PTCHD4: variants seen among roughly 807,000 people sequenced by gnomAD.
PTCHD4 encodes the protein patched domain-containing protein 4.
PTCHD4 carries 33 observed loss-of-function variants against 58.1 expected under a neutral mutation model. That is an observed-to-expected ratio of 0.57 (90% confidence interval 0.43 to 0.76). The LOEUF (loss-of-function observed/expected upper bound fraction) is 0.76. Among genes scored for constraint, PTCHD4 ranks in the 30% least tolerant of loss-of-function variants. The probability of loss-of-function intolerance (pLI) is 0.00; values close to 1 mark genes in which losing one functional copy is unlikely to be tolerated. For synonymous variants in PTCHD4, 478 were observed against 409.6 expected, an observed-to-expected ratio of 1.17 and a Z score of -2.02; for missense variants, 1,058 against 1,027.1, an observed-to-expected ratio of 1.03 and a Z score of -0.41.
chr6:48,099,219 C>G (rs1404227146), intron 1 of PTCHD4, among the ~76,000 whole-genome samples: 1 of 152,176 alleles, frequency 6.6e-6, no homozygotes, highest in African/African-American at 2.4e-5. Flanking sequence ...TGGTCGCCAG[C>G]CTGCACAATT....
intron 3 of PTCHD4, among the ~76,000 whole-genome samples, chr6:48,024,940 T>C (rs1763191323): frequency 6.6e-6 from 1 of 152,224 alleles, no homozygotes; most frequent in African/African-American, 2.4e-5. Flanking sequence ...AAAAGCCAGA[T>C]GACATGATTC....
intron 4 of PTCHD4, among the ~76,000 whole-genome samples, chr6:48,007,295 T>A (rs780251548): frequency 6.6e-6 from 1 of 152,094 alleles, no homozygotes; most frequent in Non-Finnish European, 1.5e-5. Context: ...ATGGCCACAA[T>A]GATATTGAGT....
rs183598741 is a variant in PTCHD4 at position 48,014,527 on chromosome 6, C to T, written c.418-5413G>A. On this transcript the variant is annotated intron_variant, in intron 3 of 4. Transcript: ENST00000339488. ...ATGGTAAAAGTTCCTTAGTTCATGG[C>T]TAATTCATTAGTTCATGGCTAGTTT... is the stretch of plus-strand genomic sequence containing the variant. Among the ~76,000 whole-genome samples the T allele has an allele frequency of 8.6e-3, 1,309 of 152,140 alleles. 10 individuals are homozygous for T. Among genetic ancestry groups the T allele is most frequent in the Non-Finnish European group, 0.012 (812 of 67,984 alleles).
At chr6:48,065,156 A>C (rs1187210653) in intron 3 of PTCHD4, among the ~76,000 whole-genome samples, 1 of 152,166 alleles carries the variant, frequency 6.6e-6, no homozygotes, top group African/African-American at 2.4e-5. Flanking sequence ...CTGTTGTCAT[A>C]ACAAAGGTTT....
At chr6:48,094,044 CAT>C (rs938925471) in intron 1 of PTCHD4, among the ~76,000 whole-genome samples, 20 of 152,032 alleles carry the variant, frequency 1.3e-4, no homozygotes, top group African/African-American at 4.8e-4. Flanking sequence ...TATGGGAACA[CAT>C]AGAAAAGAGG....
Position 47,878,872 on chromosome 6 carries a change from T to C in PTCHD4, c.1963A>G (p.Thr655Ala), listed in dbSNP as rs771517326. ...AAGCCTGCAATCAGAACAGGCACTG[T>C]GACAGACAAGCTGTAATGGTCCATG... is the stretch of plus-strand genomic sequence containing the variant. Reference protein sequence around the residue: ...VFMDHYSLSVTVPVLIAGFGV... With the variant: ...VFMDHYSLSVAVPVLIAGFGV... Residue 655 changes from threonine to alanine, a missense_variant, in exon 5 of 5, where the codon ACA (threonine) becomes GCA (alanine). By Grantham distance (58) the Thr-to-Ala change is moderately conservative. Coordinates refer to ENST00000339488, the MANE Select transcript of PTCHD4 (RefSeq NM_001384253.1). 2 of 1,613,682 alleles carry C rather than the reference T, an allele frequency of 1.2e-6. No homozygotes were observed. The highest frequency in any genetic ancestry group is 2.2e-5 in the South Asian group (2 of 91,080).
chr6:47,936,902 G>A (rs1459380135), intron 4 of PTCHD4, among the ~76,000 whole-genome samples: 1 of 152,210 alleles, frequency 6.6e-6, no homozygotes, highest in Non-Finnish European at 1.5e-5. Context: ...CCTAGAGGTG[G>A]TCAAGCTAGG....
rs1763857507 is a variant in PTCHD4 at position 47,876,713 on chromosome 6, C to T, written c.*1590G>A. On this transcript the variant is annotated 3_prime_UTR_variant, in exon 5 of 5. Transcript: ENST00000339488. The stretch of plus-strand genomic sequence containing the variant: ...TATAATCATCGGACATTTATTCTGT[C>T]CTACCTGGAAATAAATTATGTTACT... 6.6e-6 allele frequency among the ~76,000 whole-genome samples: 1 copy of T among 151,986 alleles called. No homozygotes were observed. The highest frequency in any genetic ancestry group is 2.4e-5 in the African/African-American group (1 of 41,394).
intron 4 of PTCHD4, among the ~76,000 whole-genome samples, chr6:47,888,386 A>G (rs1346951679): frequency 1.3e-5 from 2 of 152,166 alleles, no homozygotes; most frequent in Non-Finnish European, 2.9e-5. Flanking sequence ...GAAAAGGAGC[A>G]GAATATTGCA....
intron 1 of PTCHD4, among the ~76,000 whole-genome samples, chr6:48,070,552 T>C (rs893921086): frequency 6.6e-6 from 1 of 152,236 alleles, no homozygotes; most frequent in African/African-American, 2.4e-5. Flanking sequence ...GAAAGTGACC[T>C]TGGCGGCCAT....
At chr6:47,890,553 C>T (rs571264698) in intron 4 of PTCHD4, among the ~76,000 whole-genome samples, 2 of 152,300 alleles carry the variant, frequency 1.3e-5, no homozygotes, top group South Asian at 4.1e-4. Flanking sequence ...AGTACATGTG[C>T]TTGGAACACA....
intron 4 of PTCHD4, among the ~76,000 whole-genome samples, chr6:47,949,296 T>G (rs1328336936): frequency 6.6e-6 from 1 of 152,150 alleles, no homozygotes; most frequent in African/African-American, 2.4e-5. Flanking sequence ...CAGATGAAGC[T>G]TGCTGAACAC....
intron 4 of PTCHD4, among the ~76,000 whole-genome samples, chr6:47,967,329 T>C (rs1368841570): frequency 6.6e-6 from 1 of 152,238 alleles, no homozygotes; most frequent in African/African-American, 2.4e-5. Context: ...TTCAGGAAAC[T>C]GTCATAAACA....
At chr6:47,892,820 C>T (rs1313451864) in intron 4 of PTCHD4, among the ~76,000 whole-genome samples, 2 of 152,158 alleles carry the variant, frequency 1.3e-5, no homozygotes, top group Non-Finnish European at 2.9e-5. Context: ...GGCCTTTCTT[C>T]CCAATGAAGA....
intron 3 of PTCHD4, among the ~76,000 whole-genome samples, chr6:48,047,186 T>C (rs1764065549): frequency 6.6e-6 from 1 of 151,822 alleles, no homozygotes; most frequent in Non-Finnish European, 1.5e-5. Context: ...TTCTAATGAC[T>C]GTAGTGTTTT....
At chr6:47,909,681 G>T (rs1371960620) in intron 4 of PTCHD4, among the ~76,000 whole-genome samples, 1 of 151,968 alleles carries the variant, frequency 6.6e-6, no homozygotes, top group Non-Finnish European at 1.5e-5. Flanking sequence ...GGCTTCAAGT[G>T]ATCCTTCTGC....
intron 3 of PTCHD4, among the ~76,000 whole-genome samples, chr6:48,036,392 T>C (rs1260063747): frequency 1.3e-5 from 2 of 152,064 alleles, no homozygotes; most frequent in African/African-American, 2.4e-5. Context: ...TCAAGTATGG[T>C]TTGAAAGTAT....
intron 4 of PTCHD4, among the ~76,000 whole-genome samples, chr6:47,933,998 C>T (rs1461715518): frequency 6.6e-6 from 1 of 152,084 alleles, no homozygotes; most frequent in Non-Finnish European, 1.5e-5. Flanking sequence ...GGTAGAATAA[C>T]AGGGTAATCT....
At chr6:48,097,814 T>C (rs1765506399) in intron 1 of PTCHD4, among the ~76,000 whole-genome samples, 1 of 152,154 alleles carries the variant, frequency 6.6e-6, no homozygotes, top group Admixed American at 6.5e-5. Context: ...ATACAGAAGT[T>C]AAGTTCAGTC....
Sources: allele counts gnomAD v4.1 joint callset (sites outside exome capture counted in the v4.1 genomes callset), GRCh38; gene constraint gnomAD v4.1.1; transcripts MANE v1.5; gene names NCBI Gene and HGNC (gene_info 2026-07-23, HGNC 2026-07-21).